The following IGF1R variants were observed in gnomAD, a reference collection of about 807,000 sequenced individuals.
IGF1R encodes insulin-like growth factor 1 receptor.
A neutral mutation model predicts 144.6 loss-of-function variants in IGF1R; 44 were observed. The ratio of observed to expected loss-of-function variants is 0.30; its 90% CI spans 0.24 to 0.39. IGF1R has a LOEUF of 0.39. IGF1R is among the 10% of genes least tolerant of loss of function. The pLI is 1.00. For synonymous variants in IGF1R, 795 were observed against 722.8 expected (o/e 1.10, Z -1.60); for missense variants, 1,355 against 1,833.7 (o/e 0.74, Z 4.77).
Position 98,758,327 on chromosome 15 carries a change from T to A in IGF1R, c.640+50220T>A, listed in dbSNP as rs752243777. 4.3e-4 allele frequency among the ~76,000 whole-genome samples: 65 copies of A among 152,168 alleles called. 1 individual carries two copies. Among genetic ancestry groups the A allele is most frequent in the Non-Finnish European group, 5.6e-4 (38 of 68,038 alleles). ...GTTCGATTAGTTCTGTTTCAGCTGG[T>A]GCCACCTGTTGCAGCTGAGCTTGGT... On this transcript the variant is annotated intron_variant, in intron 2 of 20. Coordinates refer to ENST00000650285, the MANE Select transcript of IGF1R (RefSeq NM_000875.5).
intron 2 of IGF1R, among the ~76,000 whole-genome samples, chr15:98,812,088 T>C (rs1458803048): frequency 2.0e-5 from 3 of 152,358 alleles, no homozygotes; most frequent in East Asian, 1.9e-4. Flanking sequence ...TATAGTTTAA[T>C]AGCCTTCGAA....
intron 8 of IGF1R, among the ~76,000 whole-genome samples, chr15:98,914,440 AC>A (rs2015153696): frequency 6.6e-6 from 1 of 152,210 alleles, no homozygotes; most frequent in Non-Finnish European, 1.5e-5. Flanking sequence ...TTTGCTGTGC[AC>A]GCCTGCTCCT....
At chr15:98,801,266 G>T (rs761152186) in intron 2 of IGF1R, among the ~76,000 whole-genome samples, 1 of 152,176 alleles carries the variant, frequency 6.6e-6, no homozygotes, top group African/African-American at 2.4e-5. Context: ...CCTGCTCCCC[G>T]TGAGCGGCTC....
chr15:98,692,107 G>T (rs1028100705), intron 1 of IGF1R, among the ~76,000 whole-genome samples: 14 of 152,072 alleles, frequency 9.2e-5, no homozygotes, highest in Non-Finnish European at 1.9e-4. Context: ...AGTCCGAGGC[G>T]GGCAGATCAC....
intron 20 of IGF1R, among the ~76,000 whole-genome samples, chr15:98,955,914 A>T (rs2016961471): frequency 6.6e-6 from 1 of 152,228 alleles, no homozygotes; most frequent in Non-Finnish European, 1.5e-5. Flanking sequence ...ATTTTAAAAT[A>T]AAGAGGATAA....
chr15:98,730,673 A>G (rs562951772), intron 2 of IGF1R, among the ~76,000 whole-genome samples: 2 of 152,238 alleles, frequency 1.3e-5, no homozygotes, highest in Non-Finnish European at 2.9e-5. Flanking sequence ...TATGTTCCCA[A>G]TAGCATGATG....
intron 1 of IGF1R, among the ~76,000 whole-genome samples, chr15:98,656,919 AATT>A (rs2052499400): frequency 6.6e-6 from 1 of 152,212 alleles, no homozygotes; most frequent in African/African-American, 2.4e-5. Flanking sequence ...CTGGCTTTGG[AATT>A]ATTTGTCAGT....
In IGF1R at chr15:98,674,977, A is replaced by ATTTTTT. The variant is rs71149408; in HGVS notation, c.94+25321_94+25326dup. Among the ~76,000 whole-genome samples, 417 of 98,886 alleles carry ATTTTTT rather than the reference A, an allele frequency of 4.2e-3. 14 individuals are homozygous for ATTTTTT. The highest frequency in any genetic ancestry group is 0.017 in the African/African-American group (400 of 23,966). 64.9% of individuals were successfully genotyped at this position (98,886 alleles called of 152,430 possible). On this transcript the variant is annotated intron_variant, in intron 1 of 20. Transcript: ENST00000650285. ...AAATGCTAAATTTAGGTATTTTACA[A>ATTTTTT]TTTTTTTTTTTTTTTTTTTTTTTTG...
chr15:98,877,566 CTA>C (rs1212453483), intron 2 of IGF1R, among the ~76,000 whole-genome samples: 8 of 138,060 alleles, frequency 5.8e-5, no homozygotes, highest in African/African-American at 2.2e-4. Context: ...GCTGTGGCCT[CTA>C]GAAGCATTTT....
At chr15:98,679,281 T>C (rs902228061) in intron 1 of IGF1R, among the ~76,000 whole-genome samples, 6 of 152,238 alleles carry the variant, frequency 3.9e-5, no homozygotes, top group African/African-American at 1.2e-4. Flanking sequence ...CTCAGTTGTA[T>C]GTAGTATTTT....
chr15:98,827,543 A>G (rs1181095392), intron 2 of IGF1R, among the ~76,000 whole-genome samples: 1 of 152,224 alleles, frequency 6.6e-6, no homozygotes, highest in Non-Finnish European at 1.5e-5. Context: ...TTAAAAGGCC[A>G]TTTACCACTT....
At chr15:98,808,366 A>G (rs1020856811) in intron 2 of IGF1R, among the ~76,000 whole-genome samples, 3 of 152,218 alleles carry the variant, frequency 2.0e-5, no homozygotes, top group Admixed American at 6.5e-5. Flanking sequence ...TTTGGGATAA[A>G]TTGTGAATAA....
chr15:98,691,850 C>T (rs2053485177), intron 1 of IGF1R, among the ~76,000 whole-genome samples: 2 of 152,166 alleles, frequency 1.3e-5, no homozygotes, highest in Admixed American at 1.3e-4. Flanking sequence ...AGGGTTGGAT[C>T]TCTAGAAGAG....
chr15:98,705,232 G>C (rs183337578), intron 1 of IGF1R, among the ~76,000 whole-genome samples: 1 of 152,272 alleles, frequency 6.6e-6, no homozygotes, highest in Admixed American at 6.5e-5. Context: ...GCCGAGAGGA[G>C]GAGGCAATGC....
At chr15:98,736,504 A>G (rs1315404678) in intron 2 of IGF1R, among the ~76,000 whole-genome samples, 1 of 152,124 alleles carries the variant, frequency 6.6e-6, no homozygotes. Flanking sequence ...TGATATCGTA[A>G]CTTCGTGAAA....
chr15:98,951,247 T>C (rs2016761652), intron 20 of IGF1R, among the ~76,000 whole-genome samples: 1 of 152,224 alleles, frequency 6.6e-6, no homozygotes, highest in Non-Finnish European at 1.5e-5. Flanking sequence ...GCCCTGGGCC[T>C]GGGCCAGTGA....
At chr15:98,756,853 C>A (rs1467240201) in intron 2 of IGF1R, among the ~76,000 whole-genome samples, 1 of 152,004 alleles carries the variant, frequency 6.6e-6, no homozygotes, top group South Asian at 2.1e-4. Flanking sequence ...TTTATTTGAT[C>A]TTTGATTCTG....
At chr15:98,854,055 A>G (rs1359001905) in intron 2 of IGF1R, among the ~76,000 whole-genome samples, 1 of 152,184 alleles carries the variant, frequency 6.6e-6, no homozygotes, top group African/African-American at 2.4e-5. Flanking sequence ...ATATCGTGGT[A>G]TTATTGGTGG....
At position 98,958,869 on chromosome 15, in the gene IGF1R, A is replaced by G. The variant is rs1315668631; in HGVS notation, c.*1427A>G. 8.6e-6 allele frequency: 2 copies of G among 233,530 alleles called. No individual in the cohort carries two copies. The highest frequency in any genetic ancestry group is 1.7e-5 in the Non-Finnish European group (2 of 118,024). The allele number at this position is 233,530 out of a possible 1,614,324, so 14.5% of individuals were successfully genotyped here. A position where few individuals can be genotyped will look rare whatever the true frequency, so the allele number is the denominator to read the frequency against. On this transcript the variant is annotated 3_prime_UTR_variant, in exon 21 of 21. Transcript: ENST00000650285. ...TCCCGGTAATGGATACTTCTATCAC[A>G]TAATTTGCCATGAACTGTTGGATGC...
Sources: allele counts gnomAD v4.1 joint callset (sites outside exome capture counted in the v4.1 genomes callset), GRCh38; gene constraint gnomAD v4.1.1; transcripts MANE v1.5; gene names NCBI Gene and HGNC (gene_info 2026-07-23, HGNC 2026-07-21).